The following ZMYND8 variants were observed in gnomAD, a reference collection of about 807,000 sequenced individuals.
ZMYND8 encodes the protein zinc finger MYND-type containing 8.
In ZMYND8, 37 loss-of-function variants were observed where a neutral mutation model predicts 140.8. That is an observed-to-expected ratio of 0.26 (90% confidence interval 0.20 to 0.35). The LOEUF is 0.35. Ranked by LOEUF, ZMYND8 falls within the 10% of genes least tolerant of loss-of-function variation. The pLI is 1.00. For missense variants in ZMYND8, 1,068 were observed against 1,570.0 expected, an observed-to-expected ratio of 0.68 and a Z score of 5.40; for synonymous variants, 592 against 597.1, an observed-to-expected ratio of 0.99 and a Z score of 0.12.
chr20:47,257,963 T>C (rs538398962), intron 12 of ZMYND8, among the ~76,000 whole-genome samples: 1 of 152,258 alleles, frequency 6.6e-6, no homozygotes, highest in Non-Finnish European at 1.5e-5. Flanking sequence ...GCTCAAGCAA[T>C]CCTCCTGCCT....
At chr20:47,272,313 G>A (rs901311003) in intron 11 of ZMYND8, among the ~76,000 whole-genome samples, 2 of 152,036 alleles carry the variant, frequency 1.3e-5, no homozygotes, top group African/African-American at 2.4e-5. Flanking sequence ...TCCTGACCTC[G>A]TGATCCGCTT....
chr20:47,264,183 A>AT (rs1458306714), intron 11 of ZMYND8, among the ~76,000 whole-genome samples: 4 of 152,254 alleles, frequency 2.6e-5, no homozygotes, highest in Non-Finnish European at 5.9e-5. Context: ...TCCGGGAATG[A>AT]TAAGGGAGTG....
chr20:47,232,969 C>T (rs985826473), intron 16 of ZMYND8, among the ~76,000 whole-genome samples: 1 of 149,278 alleles, frequency 6.7e-6, no homozygotes, highest in Non-Finnish European at 1.5e-5. Context: ...TGAAGTGGCG[C>T]AATCTCAGCT....
At chr20:47,253,116 G>A (rs1296216706) in intron 12 of ZMYND8, among the ~76,000 whole-genome samples, 1 of 152,186 alleles carries the variant, frequency 6.6e-6, no homozygotes, top group Non-Finnish European at 1.5e-5. Context: ...CTAGTCCAGT[G>A]ACTGCCAACC....
At chr20:47,299,206 T>C (rs897198832) in intron 3 of ZMYND8, among the ~76,000 whole-genome samples, 8 of 152,240 alleles carry the variant, frequency 5.3e-5, no homozygotes, top group Non-Finnish European at 1.2e-4. Context: ...CCTAGCAGAA[T>C]GGCACATTGC....
chr20:47,265,037 C>CAAAAAAAAAA (rs1487791973), intron 11 of ZMYND8, among the ~76,000 whole-genome samples: 263 of 89,724 alleles, frequency 2.9e-3, no homozygotes, highest in African/African-American at 0.01. Flanking sequence ...ACCCTGTCCC[C>CAAAAAAAAAA]AAAAAAATAT....
chr20:47,229,867 A>T, intron 16 of ZMYND8, 61 bp from the exon 17 acceptor site: 3 of 1,427,510 alleles, frequency 2.1e-6, no homozygotes, highest in Non-Finnish European at 2.9e-6. Context: ...TCCTGGTGAC[A>T]AATACTTAAA....
In ZMYND8 at chr20:47,246,052, C is replaced by T. The variant is rs766529157; in HGVS notation, c.2240G>A (p.Arg747Gln). The change falls in exon 14 of 23, where the codon CGA (arginine) becomes CAA (glutamine). Residue 747 changes from arginine to glutamine, a missense_variant. Physicochemically the swap from Arg to Gln is conservative, Grantham distance 43. This residue lies in a region of ZMYND8 where 383 missense variants were observed against 431.2 expected (regional missense o/e 0.89). Transcript: ENST00000471951. ...LGEDHSGREG[R>Q]KNKKEPKEPS... is the part of the protein sequence containing the mutation. ...TTCTTTGGGTTCCTTCTTATTTTTT[C>T]GACCCTCCCGCCCAGAATGGTCTTC... is the stretch of plus-strand genomic sequence containing the variant. 31 of 1,602,902 alleles carry T rather than the reference C, an allele frequency of 1.9e-5. No individual in the cohort carries two copies. Among genetic ancestry groups the T allele is most frequent in the South Asian group, 1.7e-4 (15 of 88,634 alleles).
chr20:47,333,737 A>AC (rs2081156848), intron 2 of ZMYND8, among the ~76,000 whole-genome samples: 1 of 140,832 alleles, frequency 7.1e-6, no homozygotes, highest in African/African-American at 2.9e-5. Flanking sequence ...AAAAAAAAAA[A>AC]AAAAAAAAAA....
At chr20:47,333,777 GCTCAC>G (rs2081171391) in intron 2 of ZMYND8, among the ~76,000 whole-genome samples, 1 of 133,954 alleles carries the variant, frequency 7.5e-6, no homozygotes, top group African/African-American at 2.9e-5. Context: ...GCGTGATGGT[GCTCAC>G]CTCTAGTCCC....
intron 2 of ZMYND8, among the ~76,000 whole-genome samples, chr20:47,328,416 T>G (rs554952076): frequency 5.3e-5 from 8 of 152,080 alleles, no homozygotes; most frequent in African/African-American, 9.7e-5. Context: ...CTGATTTTTA[T>G]CATTTGAAAG....
intron 13 of ZMYND8, 79 bp from the exon 14 acceptor site, chr20:47,246,596 CA>C: frequency 6.7e-7 from 1 of 1,497,316 alleles, no homozygotes; most frequent in South Asian, 1.4e-5. Flanking sequence ...CATTTTTCCA[CA>C]CCAAATGCTG....
intron 12 of ZMYND8, among the ~76,000 whole-genome samples, chr20:47,251,684 G>A (rs773374041): frequency 2.6e-5 from 4 of 152,056 alleles, no homozygotes; most frequent in Non-Finnish European, 5.9e-5. Flanking sequence ...GAAATTATAG[G>A]GTAAAATAAT....
At chr20:47,283,794 C>A (rs956686614) in intron 8 of ZMYND8, 146 bp from the exon 9 acceptor site, 4 of 750,842 alleles carry the variant, frequency 5.3e-6, no homozygotes, top group Non-Finnish European at 8.7e-6. Context: ...CACTATGTAT[C>A]GCTCCCAATG....
chr20:47,335,763 G>A (rs2081344770), intron 2 of ZMYND8, among the ~76,000 whole-genome samples: 1 of 152,212 alleles, frequency 6.6e-6, no homozygotes, highest in Admixed American at 6.5e-5. Context: ...AAATTGCACA[G>A]ACACTGCCGA....
At chr20:47,270,722 A>C (rs1050985181) in intron 11 of ZMYND8, among the ~76,000 whole-genome samples, 5 of 150,714 alleles carry the variant, frequency 3.3e-5, no homozygotes, top group African/African-American at 1.2e-4. Context: ...AAAAAAAAGA[A>C]AGAAAGAAAA....
chr20:47,327,393 C>T (rs2148414944), intron 2 of ZMYND8, among the ~76,000 whole-genome samples: 1 of 151,992 alleles, frequency 6.6e-6, no homozygotes, highest in Middle Eastern at 3.4e-3. Context: ...GTGGCTCACA[C>T]CTGTAATCCC....
At position 47,275,030 on chromosome 20, in the gene ZMYND8, A is replaced by G. The variant is rs915050352; in HGVS notation, c.1480+1284T>C. 6.3e-4 allele frequency among the ~76,000 whole-genome samples: 96 copies of G among 152,216 alleles called. 2 individuals are homozygous for G. The highest frequency in any genetic ancestry group is 2.2e-4 in the Non-Finnish European group (15 of 68,032). On this transcript the variant is annotated intron_variant, in intron 11 of 22. Transcript: ENST00000471951. The stretch of plus-strand genomic sequence containing the variant: ...GAGAGAGAGAGAGACCAAGGAAGGA[A>G]GCGAGTGTGAAAGGCTGTCCAAGGC...
chr20:47,246,948 C>T (rs1017535575), intron 13 of ZMYND8, among the ~76,000 whole-genome samples: 2 of 152,164 alleles, frequency 1.3e-5, no homozygotes, highest in African/African-American at 4.8e-5. Context: ...AGAGGCCAGG[C>T]CAGAACCCCG....
Sources: allele counts gnomAD v4.1 joint callset (sites outside exome capture counted in the v4.1 genomes callset), GRCh38; gene constraint gnomAD v4.1.1; regional missense constraint gnomAD v4.1.1; transcripts MANE v1.5; gene names NCBI Gene and HGNC (gene_info 2026-07-23, HGNC 2026-07-21).